The following TARBP1 variants were observed in gnomAD, a reference collection of about 807,000 sequenced individuals.
TARBP1 encodes the protein tRNA (guanosine(18)-2'-O)-methyltransferase TARBP1.
TARBP1 carries 144 observed loss-of-function variants against 178.6 expected under a neutral mutation model. That is an observed-to-expected ratio of 0.81 (90% CI 0.70 to 0.93). The LOEUF (loss-of-function observed/expected upper bound fraction) is 0.93. Among genes scored for constraint, TARBP1 ranks in the 40% least tolerant of loss-of-function variants. The pLI, the probability that TARBP1 is intolerant of heterozygous loss-of-function variation, is 0.00. For synonymous variants in TARBP1, 787 were observed against 781.0 expected (o/e 1.01, Z -0.13); for missense variants, 2,067 against 2,011.7 (o/e 1.03, Z -0.53).
chr1:234,459,761 G>A (rs1433373204), intron 7 of TARBP1, among the ~76,000 whole-genome samples: 4 of 151,260 alleles, frequency 2.6e-5, no homozygotes, highest in East Asian at 1.9e-4. Context: ...GCAGTGAGCC[G>A]AGATCGCACC....
At chr1:234,462,855 C>T (rs1473918836) in intron 6 of TARBP1, among the ~76,000 whole-genome samples, 1 of 152,088 alleles carries the variant, frequency 6.6e-6, no homozygotes, top group Non-Finnish European at 1.5e-5. Context: ...ATAGACATTA[C>T]CATTGGCCAT....
Position 234,446,819 on chromosome 1 carries a change from A to C in TARBP1, c.2118T>G (p.Gly706=), listed in dbSNP as rs753566675. The C allele has an allele frequency of 1.2e-6, 2 of 1,613,912 alleles. No individual in the cohort carries two copies. The highest frequency in any genetic ancestry group is 8.5e-7 in the Non-Finnish European group (1 of 1,179,926). ...LKLLNTCRLK[G]SSAQDDEVST... ...TATCCTCACCATCTTGGGCACTGGA[A>C]CCTTTCAACCTGCATGTGTTCAACA... The change falls in exon 12 of 30, where the codon GGT becomes GGG. Residue 706 remains glycine, a synonymous_variant. Coordinates refer to ENST00000040877, the MANE Select transcript of TARBP1 (RefSeq NM_005646.4).
chr1:234,449,347 C>T (rs913406749), intron 10 of TARBP1, among the ~76,000 whole-genome samples: 2 of 152,134 alleles, frequency 1.3e-5, no homozygotes, highest in African/African-American at 4.8e-5. Flanking sequence ...TATCTAGGTA[C>T]CATGTGGAAA....
At chr1:234,469,225 TCTAA>T (rs1668808144) in intron 3 of TARBP1, among the ~76,000 whole-genome samples, 1 of 151,824 alleles carries the variant, frequency 6.6e-6, no homozygotes, top group Non-Finnish European at 1.5e-5. Context: ...GAGATATTTT[TCTAA>T]CTCTTTTGAA....
At chr1:234,459,797 G>A (rs1389889309) in intron 7 of TARBP1, among the ~76,000 whole-genome samples, 1 of 151,368 alleles carries the variant, frequency 6.6e-6, no homozygotes, top group Non-Finnish European at 1.5e-5. Flanking sequence ...GGGTGACAGA[G>A]CGAGACTCCA....
Position 234,478,792 on chromosome 1 carries a change from C to T in TARBP1, c.312G>A (p.Leu104=). 8.9e-7 allele frequency: 1 copy of T among 1,129,888 alleles called. No homozygotes were observed. The highest frequency in any genetic ancestry group is 1.1e-6 in the Non-Finnish European group (1 of 925,594). 70.0% of individuals were successfully genotyped at this position (1,129,888 alleles called of 1,614,324 possible). Residue 104 remains leucine (L), a synonymous_variant, in exon 1 of 30, where the codon CTG becomes CTA. Coordinates refer to ENST00000040877, the MANE Select transcript of TARBP1 (RefSeq NM_005646.4). ...RRVLRAAGAA[L]RSCVRLAGRP... ...GCCCGGCCAGGCGGACGCACGAGCG[C>T]AGGGCCGCGCCCGCCGCCCTCAGCA...
chr1:234,411,967 C>T (rs1046286817), intron 22 of TARBP1, among the ~76,000 whole-genome samples: 5 of 152,154 alleles, frequency 3.3e-5, no homozygotes, highest in African/African-American at 1.2e-4. Flanking sequence ...ATGTCTTCTA[C>T]ATGACAGTTA....
intron 23 of TARBP1, 80 bp downstream of exon 23, chr1:234,410,365 G>A: frequency 1.2e-6 from 1 of 818,330 alleles, no homozygotes; most frequent in Non-Finnish European, 2.0e-6. Flanking sequence ...TCACAGGAAT[G>A]CTCTACATAT....
rs775102808 is a variant in TARBP1 at position 234,429,458 on chromosome 1, T to C, written c.2829A>G (p.Gln943=). The C allele has an allele frequency of 6.2e-7, 1 of 1,613,862 alleles. No individual in the cohort carries two copies. Among genetic ancestry groups the C allele is most frequent in the African/African-American group, 1.3e-5 (1 of 74,928 alleles). The change falls in exon 16 of 30, where the codon CAA becomes CAG. Residue 943 remains glutamine (Q), a synonymous_variant. Coordinates refer to ENST00000040877, the MANE Select transcript of TARBP1 (RefSeq NM_005646.4). ...LEALTVLSSD[Q]VLPVFHCLKV... ...TCAAGCAATGGAACACTGGTAAAAC[T>C]TGATCAGAAGAAAGAACTGTGAGGG...
At chr1:234,459,379 T>C (rs1667612781) in intron 7 of TARBP1, 53 bp from the exon 8 acceptor site, 1 of 1,351,856 alleles carries the variant, frequency 7.4e-7, no homozygotes, top group Non-Finnish European at 1.0e-6. Flanking sequence ...ACAATTCTGA[T>C]AATTTGTGAT....
Position 234,429,629 on chromosome 1 carries a change from T to A in TARBP1, c.2658A>T (p.Ala886=). ...ACACCCATTGATCATGAATATATTG[T>A]GCAACTATTTTTCCCCATCCTTGGG... is the stretch of plus-strand genomic sequence containing the variant. ...SSSQGWGKIV[A]QYIHDQWVCL... is the part of the protein sequence containing the mutation. Residue 886 remains alanine, a synonymous_variant, in exon 16 of 30, where the codon GCA becomes GCT. Coordinates refer to ENST00000040877, the MANE Select transcript of TARBP1 (RefSeq NM_005646.4). 6.2e-7 allele frequency: 1 copy of A among 1,611,442 alleles called. No individual in the cohort carries two copies. Among genetic ancestry groups the A allele is most frequent in the Non-Finnish European group, 8.5e-7 (1 of 1,179,074 alleles).
chr1:234,419,127 C>G (rs990760904), intron 21 of TARBP1, among the ~76,000 whole-genome samples: 2 of 151,766 alleles, frequency 1.3e-5, no homozygotes, highest in Non-Finnish European at 2.9e-5. Context: ...GAGCCGAGAT[C>G]GTGCCACTGC....
intron 3 of TARBP1, among the ~76,000 whole-genome samples, 154 bp from the exon 4 acceptor site, chr1:234,467,804 CTG>C (rs2103289783): frequency 6.6e-6 from 1 of 152,280 alleles, no homozygotes; most frequent in South Asian, 2.1e-4. Flanking sequence ...CAGGTTCTCA[CTG>C]TGTCACCCAG....
intron 8 of TARBP1, among the ~76,000 whole-genome samples, chr1:234,458,753 C>T (rs576618154): frequency 1.3e-5 from 2 of 152,140 alleles, no homozygotes; most frequent in African/African-American, 2.4e-5. Flanking sequence ...ACAAGGCATA[C>T]GCTCCAAGAG....
Position 234,450,494 on chromosome 1 carries a change from T to C in TARBP1, c.1795A>G (p.Lys599Glu). ...SPTCSSIGLH[K>E]TSLNAYVKSI... ...TTTACATAAGCATTTAAAGATGTCT[T>C]GTGAAGTCCAATGGAGCTACACGTA... The change falls in exon 10 of 30, where the codon AAG becomes GAG. Residue 599 changes from lysine to glutamate, a missense_variant. Transcript: ENST00000040877. 6.2e-7 allele frequency: 1 copy of C among 1,612,068 alleles called. No individual in the cohort carries two copies. Among genetic ancestry groups the C allele is most frequent in the Non-Finnish European group, 8.5e-7 (1 of 1,179,268 alleles).
At position 234,467,647 on chromosome 1, in the gene TARBP1, C is replaced by A. The variant is rs758638830; in HGVS notation, c.1103G>T (p.Cys368Phe). ...ATGCCAGGATGGGTGAAAGAGCCAA[C>A]ATCCTGTGGAAACAAACATCAAATG... ...FEYAVSEENG[C>F]WLFHPSWHMC... The change falls in exon 4 of 30, where the codon TGT (cysteine) becomes TTT (phenylalanine). Residue 368 changes from cysteine to phenylalanine, a missense_variant. By Grantham distance (205) the Cys-to-Phe change is radical (BLOSUM62 -2). Transcript: ENST00000040877. The A allele has an allele frequency of 9.5e-6, 15 of 1,574,126 alleles. No homozygotes were observed. In the African/African-American group the frequency reaches 2.1e-4, roughly 22 times the overall value.
intron 20 of TARBP1, among the ~76,000 whole-genome samples, chr1:234,422,053 T>C (rs1328227086): frequency 1.3e-5 from 2 of 152,212 alleles, no homozygotes; most frequent in East Asian, 3.8e-4. Context: ...GATATAGGTG[T>C]GTTTAGGTTT....
At chr1:234,473,582 C>A (rs1341579688) in intron 1 of TARBP1, among the ~76,000 whole-genome samples, 1 of 152,180 alleles carries the variant, frequency 6.6e-6, no homozygotes, top group East Asian at 1.9e-4. Flanking sequence ...ATGCATCAGA[C>A]AACTGGAAGA....
chr1:234,411,533 C>A (rs149597814), intron 22 of TARBP1, among the ~76,000 whole-genome samples: 3 of 152,146 alleles, frequency 2.0e-5, no homozygotes, highest in Admixed American at 2.0e-4. Flanking sequence ...AACAAAGACA[C>A]AGAGGCAAAC....
Sources: gnomAD v4.1 joint callset for allele counts (sites outside exome capture counted in the v4.1 genomes callset) on GRCh38, gnomAD v4.1.1 for gene constraint, MANE v1.5 for transcripts, NCBI Gene and HGNC (gene_info 2026-07-23, HGNC 2026-07-21) for gene names.